GNB1L: variants seen among roughly 807,000 people sequenced by gnomAD.
The protein encoded by GNB1L is guanine nucleotide-binding protein subunit beta-like protein 1.
In GNB1L, 20 loss-of-function variants were observed where a neutral mutation model predicts 29.1. That is an observed-to-expected ratio of 0.69 (90% CI 0.48 to 1.00). GNB1L has a LOEUF of 1.00. Among genes scored for constraint, GNB1L ranks in the 50% least tolerant of loss-of-function variants. The pLI, the probability that GNB1L is intolerant of heterozygous loss-of-function variation, is 0.00. For missense variants in GNB1L, 421 were observed against 464.9 expected (o/e 0.91, Z 0.87); for synonymous variants, 193 against 206.5 (o/e 0.93, Z 0.56).
intron 7 of GNB1L, chr22:19,792,919 C>T: frequency 5.7e-6 from 7 of 1,222,916 alleles, no homozygotes; most frequent in Non-Finnish European, 7.2e-6. Flanking sequence ...TAGGTGAACT[C>T]GGAAGACAAA....
In GNB1L at chr22:19,823,801, GCA is replaced by G. The variant is rs139151284; in HGVS notation, c.-20-2428_-20-2427del. 3.6e-4 allele frequency among the ~76,000 whole-genome samples: 55 copies of G among 152,060 alleles called. No homozygotes were observed. In the South Asian group the frequency reaches 6.2e-3, roughly 17 times the overall value. ...CATACATGTTCACACACCCATATGTGCACACACACACATGCACACACACAGGC... is the reference window on the plus strand; with the variant it reads ...CATACATGTTCACACACCCATATGTGCACACACACATGCACACACACAGGC... On this transcript the variant is annotated intron_variant, in intron 2 of 7. Coordinates refer to ENST00000329517, the MANE Select transcript of GNB1L (RefSeq NM_053004.3).
At chr22:19,825,279 C>T (rs907042192) in intron 2 of GNB1L, among the ~76,000 whole-genome samples, 2 of 152,242 alleles carry the variant, frequency 1.3e-5, no homozygotes, top group Non-Finnish European at 2.9e-5. Flanking sequence ...CCAGGACGGA[C>T]ACCCTGGGTG....
At chr22:19,849,719 G>A in intron 2 of GNB1L, 1 of 985,432 alleles carries the variant, frequency 1.0e-6, no homozygotes, top group Non-Finnish European at 1.2e-6. Flanking sequence ...TCCTAAAATA[G>A]TTGGCTGTAT....
chr22:19,831,363 TAAAA>T (rs750705463), intron 2 of GNB1L, among the ~76,000 whole-genome samples: 1 of 119,574 alleles, frequency 8.4e-6, no homozygotes, highest in Non-Finnish European at 1.8e-5. Flanking sequence ...AGACTCTATC[TAAAA>T]AAAAAAAAAA....
At chr22:19,802,541 C>T (rs1601324776) in intron 6 of GNB1L, among the ~76,000 whole-genome samples, 1 of 152,236 alleles carries the variant, frequency 6.6e-6, no homozygotes, top group Admixed American at 6.5e-5. Context: ...TGTGCCCACC[C>T]TGGGTTCTGC....
intron 2 of GNB1L, among the ~76,000 whole-genome samples, chr22:19,836,109 CAAGAGGTCGGTTCTTTA>C: frequency 6.6e-6 from 1 of 152,040 alleles, no homozygotes; most frequent in African/African-American, 2.4e-5. Context: ...GAAAATAAAG[CAAGAGGTCGGTTCTTTA>C]AAAAGATCAA....
intron 2 of GNB1L, among the ~76,000 whole-genome samples, chr22:19,841,887 C>T (rs1359161113): frequency 6.6e-6 from 1 of 152,190 alleles, no homozygotes; most frequent in Non-Finnish European, 1.5e-5. Context: ...CAGCCCAGCC[C>T]ACCTAATTTC....
chr22:19,850,598 T>C, intron 2 of GNB1L: 4 of 1,193,928 alleles, frequency 3.4e-6, no homozygotes, highest in Non-Finnish European at 4.1e-6. Flanking sequence ...ACATCATTCT[T>C]TGCCAAGATG....
intron 7 of GNB1L, among the ~76,000 whole-genome samples, chr22:19,800,891 AGGGGT>A (rs1292933239): frequency 3.3e-5 from 5 of 152,192 alleles, no homozygotes; most frequent in African/African-American, 1.2e-4. Context: ...GTGCCCACTC[AGGGGT>A]GGGCCTGACG....
Position 19,812,425 on chromosome 22 carries a change from A to G in GNB1L, c.277T>C (p.Cys93Arg). 1 of 1,613,140 alleles carries G rather than the reference A, an allele frequency of 6.2e-7. No individual in the cohort carries two copies. Among genetic ancestry groups the G allele is most frequent in the Non-Finnish European group, 8.5e-7 (1 of 1,179,750 alleles). The change falls in exon 5 of 8, where the codon TGC becomes CGC. Residue 93 changes from cysteine (C) to arginine (R), a missense_variant. Transcript: ENST00000329517. ...LLSQGRDLKLCLWDLAEGRSA... is the reference protein window; with the variant it reads ...LLSQGRDLKLRLWDLAEGRSA... ...CTGCCCTCCGCGAGGTCCCACAGGC[A>G]CAGCTTCAGGTCCCGGCCCTGACTG... is the stretch of plus-strand genomic sequence containing the variant.
At position 19,796,884 on chromosome 22, in the gene GNB1L, T is replaced by C. The variant is rs1383135229; in HGVS notation, c.732+5117A>G. On this transcript the variant is annotated intron_variant, in intron 7 of 7. Coordinates refer to ENST00000329517, the MANE Select transcript of GNB1L (RefSeq NM_053004.3). ...AGGACAGAAACAATGAACAGAAAGA[T>C]AGAAATGCTCAAGGACAAACGCATA... Among the ~76,000 whole-genome samples the C allele has an allele frequency of 2.0e-5, 3 of 151,934 alleles. No individual in the cohort carries two copies. The East Asian group carries it at 5.8e-4, about 29-fold the overall frequency.
At chr22:19,804,167 T>C (rs920364779) in intron 6 of GNB1L, among the ~76,000 whole-genome samples, 1 of 152,378 alleles carries the variant, frequency 6.6e-6, no homozygotes, top group African/African-American at 2.4e-5. Context: ...GCAGTCCTCT[T>C]GTGGCTGGAG....
Position 19,785,509 on chromosome 22 carries a change from G to A in GNB1L, c.*3200C>T, listed in dbSNP as rs1937184883. 2.0e-5 allele frequency: 3 copies of A among 152,200 alleles called. 1 individual carries two copies. The South Asian group carries it at 6.2e-4, about 32-fold the overall frequency. 9.4% of individuals were successfully genotyped at this position (152,200 alleles called of 1,614,324 possible). A position where few individuals can be genotyped will look rare whatever the true frequency, so the allele number is the denominator to read the frequency against. On this transcript the variant is annotated 3_prime_UTR_variant, in exon 8 of 8. Coordinates refer to ENST00000329517, the MANE Select transcript of GNB1L (RefSeq NM_053004.3). This position sits in a 1 kb window ranked among gnomAD's most constrained non-coding sequence, Gnocchi z 4.1. ...GTCCGCCGTTGTTTCCAAACACCAA[G>A]TTCTCTCTGGCTTGAGAGGCCTCAC...
intron 2 of GNB1L, among the ~76,000 whole-genome samples, chr22:19,853,747 GC>G (rs1569059553): frequency 6.6e-6 from 1 of 151,878 alleles, no homozygotes; most frequent in Non-Finnish European, 1.5e-5. Context: ...TGAAAGCCCA[GC>G]CCATGACCCT....
chr22:19,852,103 C>T, intron 2 of GNB1L: 1 of 1,614,222 alleles, frequency 6.2e-7, no homozygotes, highest in Admixed American at 1.7e-5. Context: ...ACACGGTGTC[C>T]CCACAGCAGG....
rs111389945 is a variant in GNB1L, at chr22:19,816,271, C to G, written c.255-3824G>C. Reference sequence around the variant, plus strand: ...CGAGGCACACGATGTGACCTGCCCACCATCAGGGGTGTCAACCCTGATCGC... The same window carrying G: ...CGAGGCACACGATGTGACCTGCCCAGCATCAGGGGTGTCAACCCTGATCGC... On this transcript the variant is annotated intron_variant, in intron 4 of 7. Transcript: ENST00000329517. This position sits in a 1 kb window ranked among gnomAD's most constrained non-coding sequence, Gnocchi z 4.4. 3.0e-3 allele frequency among the ~76,000 whole-genome samples: 453 copies of G among 152,356 alleles called. 7 individuals carry two copies. The highest frequency in any genetic ancestry group is 0.01 in the African/African-American group (436 of 41,584).
At chr22:19,849,146 G>A in intron 2 of GNB1L, 2 of 985,340 alleles carry the variant, frequency 2.0e-6, no homozygotes, top group Middle Eastern at 5.2e-4. Flanking sequence ...CTGAAAATGG[G>A]TTTCTTCTGC....
intron 2 of GNB1L, among the ~76,000 whole-genome samples, chr22:19,834,680 C>T (rs1399698224): frequency 6.6e-6 from 1 of 151,738 alleles, no homozygotes; most frequent in East Asian, 1.9e-4. Context: ...CCTGCAGCAA[C>T]CATTAAAAAC....
intron 2 of GNB1L, chr22:19,849,760 A>G: frequency 2.0e-6 from 2 of 985,262 alleles, no homozygotes; most frequent in Non-Finnish European, 2.4e-6. Context: ...TTTTCTTCCT[A>G]CTTTCCAGGA....
Sources: allele counts gnomAD v4.1 joint callset (sites outside exome capture counted in the v4.1 genomes callset), GRCh38; gene constraint gnomAD v4.1.1; non-coding constraint Gnocchi (gnomAD v3.1); transcripts MANE v1.5; gene names NCBI Gene and HGNC (gene_info 2026-07-23, HGNC 2026-07-21).